AKT3: variants seen among roughly 807,000 people sequenced by gnomAD.
AKT3 encodes AKT serine/threonine kinase 3, also known as RAC-gamma serine/threonine-protein kinase.
Under a neutral mutation model 65.3 loss-of-function variants are expected in AKT3, and 15 were observed. The ratio of observed to expected loss-of-function variants is 0.23; its 90% CI spans 0.15 to 0.35. The LOEUF (loss-of-function observed/expected upper bound fraction) is 0.35. Among genes scored for constraint, AKT3 ranks in the 10% least tolerant of loss-of-function variants. The probability of loss-of-function intolerance (pLI) is 1.00; values close to 1 mark genes in which losing one functional copy is unlikely to be tolerated. For missense variants in AKT3, 243 were observed against 576.5 expected, an observed-to-expected ratio of 0.42 and a Z score of 5.92; for synonymous variants, 206 against 183.8, an observed-to-expected ratio of 1.12 and a Z score of -0.98.
chr1:243,561,037 A>C (rs1673739486), intron 10 of AKT3, among the ~76,000 whole-genome samples: 1 of 152,128 alleles, frequency 6.6e-6, no homozygotes, highest in African/African-American at 2.4e-5. Flanking sequence ...CAGTGTTACT[A>C]AAGTTTTACC....
chr1:243,587,085 T>C (rs1005536593), intron 8 of AKT3, among the ~76,000 whole-genome samples: 1 of 152,136 alleles, frequency 6.6e-6, no homozygotes, highest in Non-Finnish European at 1.5e-5. Flanking sequence ...ATTATTAATG[T>C]ATATGAACAT....
intron 3 of AKT3, among the ~76,000 whole-genome samples, chr1:243,673,964 A>G (rs1156299448): frequency 6.6e-6 from 1 of 152,178 alleles, no homozygotes; most frequent in Non-Finnish European, 1.5e-5. Context: ...CTGGGATTTG[A>G]TAACAAAATT....
intron 2 of AKT3, among the ~76,000 whole-genome samples, chr1:243,799,359 TTTTG>T (rs1418913453): frequency 1.3e-5 from 2 of 152,234 alleles, no homozygotes; most frequent in African/African-American, 2.4e-5. Flanking sequence ...AAGATTTGGG[TTTTG>T]TTTAATTTCA....
intron 13 of AKT3, among the ~76,000 whole-genome samples, 159 bp from the exon 14 acceptor site, chr1:243,505,493 A>C (rs1011991747): frequency 5.3e-5 from 8 of 152,230 alleles, no homozygotes; most frequent in Non-Finnish European, 7.3e-5. Flanking sequence ...ATTATACTTC[A>C]AAAATCATCT....
At chr1:243,782,968 T>C (rs752073571) in intron 2 of AKT3, among the ~76,000 whole-genome samples, 19 of 152,202 alleles carry the variant, frequency 1.2e-4, no homozygotes, top group Admixed American at 3.9e-4. Context: ...TATGTATTTT[T>C]ATCTTCCTCC....
At chr1:243,668,151 G>A (rs918373558) in intron 3 of AKT3, among the ~76,000 whole-genome samples, 4 of 151,974 alleles carry the variant, frequency 2.6e-5, no homozygotes, top group Non-Finnish European at 1.5e-5. Context: ...TTAGCACTTA[G>A]AACTATGCCA....
At chr1:243,686,933 G>A (rs1684368481) in intron 3 of AKT3, among the ~76,000 whole-genome samples, 1 of 151,544 alleles carries the variant, frequency 6.6e-6, no homozygotes, top group South Asian at 2.1e-4. Context: ...CCAAAGTTCT[G>A]GGATTACAGG....
chr1:243,563,975 C>G, intron 9 of AKT3, 127 bp from the exon 10 acceptor site: 1 of 770,972 alleles, frequency 1.3e-6, no homozygotes, highest in South Asian at 2.7e-5. Flanking sequence ...GCTAATAGAA[C>G]GCTCAGTACT....
chr1:243,712,078 A>C (rs181664469), intron 2 of AKT3, among the ~76,000 whole-genome samples: 22 of 152,204 alleles, frequency 1.4e-4, no homozygotes, highest in African/African-American at 5.1e-4. Flanking sequence ...CCTTCTACTT[A>C]AAAAATGGCA....
chr1:243,810,353 G>C (rs532385068), intron 2 of AKT3, among the ~76,000 whole-genome samples: 5 of 151,980 alleles, frequency 3.3e-5, no homozygotes, highest in Non-Finnish European at 5.9e-5. Context: ...TATCACCACC[G>C]ATCTCACAGA....
At chr1:243,759,343 A>G (rs1572292463) in intron 2 of AKT3, among the ~76,000 whole-genome samples, 2 of 151,404 alleles carry the variant, frequency 1.3e-5, no homozygotes, top group African/African-American at 4.8e-5. Context: ...ATTAAATTAA[A>G]TTAAATTAAA....
chr1:243,613,237 G>A (rs894048261), intron 8 of AKT3, among the ~76,000 whole-genome samples: 1 of 149,580 alleles, frequency 6.7e-6, no homozygotes, highest in Admixed American at 6.7e-5. Context: ...CTACTATAAA[G>A]AAGAGAAAAC....
chr1:243,539,900 A>G (rs1672195676), intron 12 of AKT3, among the ~76,000 whole-genome samples: 1 of 152,178 alleles, frequency 6.6e-6, no homozygotes, highest in Non-Finnish European at 1.5e-5. Context: ...GTAACAACAG[A>G]TAACCACAAC....
intron 2 of AKT3, among the ~76,000 whole-genome samples, chr1:243,747,609 A>G (rs1438715100): frequency 1.3e-5 from 2 of 152,342 alleles, no homozygotes; most frequent in African/African-American, 4.8e-5. Flanking sequence ...CACAATGAAG[A>G]GATTAAAGGG....
At chr1:243,499,228 A>G (rs137912111), downstream of AKT3, among the ~76,000 whole-genome samples, 243 of 152,354 alleles carry the variant, frequency 1.6e-3, 1 homozygote, top group African/African-American at 5.7e-3. Context: ...CCCCTCTTCC[A>G]ACACATGTGA....
chr1:243,683,952 G>A (rs1196806757), intron 3 of AKT3, among the ~76,000 whole-genome samples: 3 of 152,116 alleles, frequency 2.0e-5, no homozygotes, highest in Non-Finnish European at 4.4e-5. Flanking sequence ...TGACTAAAAA[G>A]GGAATAACAA....
At chr1:243,730,299 T>C (rs144290201) in intron 2 of AKT3, among the ~76,000 whole-genome samples, 42 of 152,312 alleles carry the variant, frequency 2.8e-4, no homozygotes, top group African/African-American at 9.4e-4. Context: ...TTGGGTCTCC[T>C]CTCTGCTGAG....
At chr1:243,526,863 A>G (rs1225968163) in intron 12 of AKT3, among the ~76,000 whole-genome samples, 2 of 150,052 alleles carry the variant, frequency 1.3e-5, no homozygotes, top group South Asian at 2.1e-4. Context: ...GATCTTTAAG[A>G]AAAAAAAATG....
chr1:243,593,637 A>G (rs1676391875), intron 8 of AKT3, among the ~76,000 whole-genome samples: 1 of 152,198 alleles, frequency 6.6e-6, no homozygotes, highest in Non-Finnish European at 1.5e-5. Flanking sequence ...AGCTGCAGTG[A>G]GCTGAGATCA....
Sources: allele counts gnomAD v4.1 joint callset (sites outside exome capture counted in the v4.1 genomes callset), GRCh38; gene constraint gnomAD v4.1.1; transcripts MANE v1.5; gene names NCBI Gene and HGNC (gene_info 2026-07-23, HGNC 2026-07-21).